The following NCAPD2 variants were observed in gnomAD, a reference collection of about 807,000 sequenced individuals.
NCAPD2 encodes the protein condensin complex subunit 1.
In NCAPD2, 100 loss-of-function variants were observed where a neutral mutation model predicts 164.5. That is an observed-to-expected ratio of 0.61 (90% CI 0.52 to 0.72). NCAPD2 has a LOEUF of 0.72. Ranked by LOEUF, NCAPD2 falls within the 30% of genes least tolerant of loss-of-function variation. The pLI is 0.00. For synonymous variants in NCAPD2, 585 were observed against 642.6 expected (o/e 0.91, Z 1.36); for missense variants, 1,560 against 1,749.2 (o/e 0.89, Z 1.93).
At chr12:6,505,274 C>T (rs990337076) in intron 2 of NCAPD2, among the ~76,000 whole-genome samples, 5 of 152,152 alleles carry the variant, frequency 3.3e-5, no homozygotes, top group African/African-American at 1.2e-4. Context: ...CCATGTTGGT[C>T]AGGCTGGTCT....
intron 17 of NCAPD2, among the ~76,000 whole-genome samples, chr12:6,523,669 TTA>T (rs1211949021): frequency 6.6e-6 from 1 of 152,230 alleles, no homozygotes; most frequent in African/African-American, 2.4e-5. Context: ...AGTGCTGGGA[TTA>T]CAGGCGTGAG....
intron 2 of NCAPD2, among the ~76,000 whole-genome samples, chr12:6,502,364 T>C (rs537973584): frequency 2.0e-5 from 3 of 152,192 alleles, no homozygotes; most frequent in Non-Finnish European, 4.4e-5. Context: ...GGGAAGAAGG[T>C]CATGGTGTTA....
intron 2 of NCAPD2, among the ~76,000 whole-genome samples, chr12:6,497,454 C>G (rs1023188470): frequency 2.0e-5 from 3 of 152,108 alleles, no homozygotes; most frequent in Admixed American, 6.6e-5. Context: ...CCCCTCCCCC[C>G]ATTCCACCCT....
At position 6,517,387 on chromosome 12, in the gene NCAPD2, A is replaced by G. The variant is rs1946212792; in HGVS notation, c.1208A>G (p.Gln403Arg). 1.2e-6 allele frequency: 2 copies of G among 1,614,074 alleles called. No homozygotes were observed. Among genetic ancestry groups the G allele is most frequent in the Non-Finnish European group, 1.7e-6 (2 of 1,180,044 alleles). The change falls in exon 11 of 32, where the codon CAG becomes CGG. Residue 403 changes from glutamine (Q) to arginine (R), a missense_variant. Transcript: ENST00000315579. ...CAGGCTCTCCCCCTGACACGTTTCC[A>G]GGCAGTGGTGGCTTTAGCTGTGGGA... ...QQKALPLTRFQAVVALAVGRL... is the reference protein window; with the variant it reads ...QQKALPLTRFRAVVALAVGRL...
intron 9 of NCAPD2, among the ~76,000 whole-genome samples, chr12:6,515,682 AG>A (rs1304658839): frequency 6.6e-6 from 1 of 152,246 alleles, no homozygotes; most frequent in Non-Finnish European, 1.5e-5. Flanking sequence ...GGACAAAGAC[AG>A]TCCACTTGTT....
chr12:6,509,509 G>A (rs1299215203), intron 2 of NCAPD2, among the ~76,000 whole-genome samples: 4 of 152,080 alleles, frequency 2.6e-5, no homozygotes, highest in Admixed American at 6.5e-5. Context: ...TAATCCACCC[G>A]TCTCAGCCTC....
At chr12:6,506,446 C>T (rs11064239) in intron 2 of NCAPD2, among the ~76,000 whole-genome samples, 26,777 of 151,680 alleles carry the variant, frequency 0.18, 2,838 homozygotes, top group Non-Finnish European at 0.24. Context: ...AAAAATTAGC[C>T]GGGCATGGTG....
intron 5 of NCAPD2, 59 bp downstream of exon 5, chr12:6,510,869 G>A: frequency 1.9e-6 from 3 of 1,540,890 alleles, no homozygotes; most frequent in Non-Finnish European, 2.7e-6. Flanking sequence ...GGAATAGATG[G>A]AAAAGAAGGG....
intron 2 of NCAPD2, among the ~76,000 whole-genome samples, chr12:6,500,696 T>C (rs1180953587): frequency 6.6e-6 from 1 of 152,208 alleles, no homozygotes; most frequent in Non-Finnish European, 1.5e-5. Flanking sequence ...GATGCAATTA[T>C]AAGCTTGAGA....
intron 10 of NCAPD2, 32 bp downstream of exon 10, chr12:6,517,057 G>A: frequency 2.5e-6 from 4 of 1,605,206 alleles, no homozygotes; most frequent in Middle Eastern, 1.7e-4. Context: ...AAAACATATG[G>A]TACCTCTCCA....
intron 2 of NCAPD2, among the ~76,000 whole-genome samples, chr12:6,509,450 A>G (rs1328663533): frequency 2.0e-5 from 3 of 151,736 alleles, no homozygotes; most frequent in African/African-American, 7.3e-5. Flanking sequence ...TTTAGTAGAG[A>G]TGGGGTCTCA....
intron 16 of NCAPD2, 105 bp downstream of exon 16, chr12:6,523,107 GATCCATAGGCAGTCCATC>G (rs1946280323): frequency 2.0e-6 from 3 of 1,487,402 alleles, no homozygotes; most frequent in Non-Finnish European, 2.8e-6. Context: ...GGGAGTTCCA[GATCCATAGGCAGTCCATC>G]ATAGTGGGGC....
chr12:6,522,617 T>G (rs1444937265), intron 15 of NCAPD2, among the ~76,000 whole-genome samples: 1 of 152,152 alleles, frequency 6.6e-6, no homozygotes, highest in Non-Finnish European at 1.5e-5. Flanking sequence ...CAGGGGTTCT[T>G]TTTTTCTGTT....
intron 15 of NCAPD2, 69 bp downstream of exon 15, chr12:6,522,106 T>A: frequency 6.6e-7 from 1 of 1,524,798 alleles, no homozygotes; most frequent in Non-Finnish European, 8.8e-7. Flanking sequence ...TTTTAAATTT[T>A]TATTAACAAT....
chr12:6,502,831 GGT>G, intron 2 of NCAPD2, among the ~76,000 whole-genome samples: 1 of 79,388 alleles, frequency 1.3e-5, no homozygotes, highest in East Asian at 2.9e-4. Flanking sequence ...TGTTTACAAA[GGT>G]GTTTTTGTTG....
chr12:6,529,345 G>A, intron 27 of NCAPD2, 168 bp from the exon 28 acceptor site: 1 of 663,262 alleles, frequency 1.5e-6, no homozygotes, highest in Non-Finnish European at 2.6e-6. Context: ...GGCGGGGTGG[G>A]GTCCCTCTCT....
intron 2 of NCAPD2, among the ~76,000 whole-genome samples, chr12:6,501,771 T>C (rs1251783227): frequency 2.0e-5 from 3 of 152,018 alleles, no homozygotes; most frequent in Non-Finnish European, 4.4e-5. Context: ...GAAGAACCAG[T>C]AGAAGAAATT....
At chr12:6,521,261 C>A in intron 14 of NCAPD2, 151 bp downstream of exon 14, 1 of 926,624 alleles carries the variant, frequency 1.1e-6, no homozygotes, top group Non-Finnish European at 1.6e-6. Flanking sequence ...GGAATGGAAG[C>A]AGCCCACGGG....
chr12:6,502,482 A>G (rs1257892184), intron 2 of NCAPD2, among the ~76,000 whole-genome samples: 1 of 152,194 alleles, frequency 6.6e-6, no homozygotes, highest in African/African-American at 2.4e-5. Context: ...AAGACTAGTC[A>G]GCTTGTTTCT....
Sources: gnomAD v4.1 joint callset for allele counts (sites outside exome capture counted in the v4.1 genomes callset) on GRCh38, gnomAD v4.1.1 for gene constraint, MANE v1.5 for transcripts, NCBI Gene and HGNC (gene_info 2026-07-23, HGNC 2026-07-21) for gene names.